Variants in TMEM138 observed in about 807,000 individuals in gnomAD.
TMEM138 encodes the protein transmembrane protein 138.
A neutral mutation model predicts 18.1 loss-of-function variants in TMEM138; 9 were observed. The ratio of observed to expected loss-of-function variants is 0.50; its 90% CI spans 0.30 to 0.87. The LOEUF (loss-of-function observed/expected upper bound fraction) is 0.87. Ranked by LOEUF, TMEM138 falls within the 40% of genes least tolerant of loss-of-function variation. The pLI is 0.06. For missense variants in TMEM138, 189 were observed against 190.6 expected, an observed-to-expected ratio of 0.99 and a Z score of 0.05; for synonymous variants, 79 against 74.8, an observed-to-expected ratio of 1.06 and a Z score of -0.29.
Position 61,368,957 on chromosome 11 carries a change from CTGT to C in TMEM138, c.*249_*251del. 6.4e-6 allele frequency: 3 copies of C among 465,682 alleles called. No individual in the cohort carries two copies. In the South Asian group the frequency reaches 7.5e-5, roughly 12 times the overall value. 28.8% of individuals were successfully genotyped at this position (465,682 alleles called of 1,614,324 possible). On this transcript the variant is annotated 3_prime_UTR_variant, in exon 5 of 5. Transcript: ENST00000278826. ...CCACCCCCTTTCCTTCCTTTCCTCT[CTGT>C]ACCATTCATTCTCCCTGACCGGCCT...
chr11:61,364,343 TG>T lies in TMEM138; in HGVS notation c.-45del, dbSNP rs1210417316. 6.2e-7 allele frequency: 1 copy of T among 1,604,718 alleles called. No individual in the cohort carries two copies. Among genetic ancestry groups the T allele is most frequent in the African/African-American group, 1.3e-5 (1 of 74,712 alleles). On this transcript the variant is annotated 5_prime_UTR_variant, in exon 2 of 5. Transcript: ENST00000278826. ...AGGGAGACAGCCAGGAGCGGTTTTC[TG>T]GGAACTGTGGGATGTGCCCTTGGGG...
At chr11:61,363,816 C>T (rs1235851143) in intron 1 of TMEM138, 1 of 152,396 alleles carries the variant, frequency 6.6e-6, no homozygotes, top group African/African-American at 2.4e-5. Context: ...TGACCTTGGA[C>T]AAATTATTTT....
At chr11:61,371,388 G>A (rs772055150), downstream of TMEM138, among the ~76,000 whole-genome samples, 2 of 151,980 alleles carry the variant, frequency 1.3e-5, no homozygotes, top group South Asian at 2.1e-4. Flanking sequence ...GCCTTAGGCC[G>A]ACCCCACACC....
At chr11:61,374,229 ACT>A (rs1251915789), downstream of TMEM138, among the ~76,000 whole-genome samples, 1 of 134,292 alleles carries the variant, frequency 7.4e-6, no homozygotes, top group Non-Finnish European at 1.6e-5. Flanking sequence ...CTCACTGGAA[ACT>A]CTGCGTCCCG....
chr11:61,363,271 CAT>C (rs1222539918), intron 1 of TMEM138: 1 of 152,180 alleles, frequency 6.6e-6, no homozygotes, highest in Non-Finnish European at 1.5e-5. Context: ...AAACCGCGAA[CAT>C]ATGTCCAATA....
chr11:61,375,616 C>A (rs1434079745), downstream of TMEM138, among the ~76,000 whole-genome samples: 1 of 152,192 alleles, frequency 6.6e-6, no homozygotes, highest in Non-Finnish European at 1.5e-5. Context: ...AGCCACTCCA[C>A]CCAGCTGTGA....
In TMEM138 at chr11:61,368,647, G is replaced by A. The variant is rs1446900246; in HGVS notation, c.427G>A (p.Asp143Asn). 13 of 1,613,930 alleles carry A rather than the reference G, an allele frequency of 8.1e-6. No individual in the cohort carries two copies. Among genetic ancestry groups the A allele is most frequent in the Non-Finnish European group, 1.1e-5 (13 of 1,180,044 alleles). ...FYKRTAVRLG[D>N]PHFYQDSLWL... ...TAAACGGACAGCCGTAAGACTAGGC[G>A]ATCCTCACTTCTACCAGGACTCTTT... Residue 143 changes from aspartate to asparagine, a missense_variant, in exon 5 of 5, where the codon GAT becomes AAT. Transcript: ENST00000278826.
At chr11:61,362,869 G>A (rs955973814) in intron 1 of TMEM138, 6 of 152,234 alleles carry the variant, frequency 3.9e-5, no homozygotes, top group African/African-American at 1.4e-4. Flanking sequence ...TTGCAGACTT[G>A]TAGGGAGGAT....
downstream of TMEM138, among the ~76,000 whole-genome samples, chr11:61,373,229 C>T (rs117325265): frequency 3.0e-3 from 459 of 152,176 alleles, no homozygotes; most frequent in South Asian, 5.6e-3. Context: ...AAGAAAGAGG[C>T]GGACAGATGA....
downstream of TMEM138, among the ~76,000 whole-genome samples, chr11:61,374,304 CA>C (rs1484723467): frequency 1.3e-5 from 2 of 151,788 alleles, no homozygotes; most frequent in Non-Finnish European, 2.9e-5. Context: ...CCCACCACCA[CA>C]CCCAGCTAAT....
intron 3 of TMEM138, chr11:61,366,889 G>A (rs1012319680): frequency 6.6e-6 from 1 of 152,188 alleles, no homozygotes; most frequent in African/African-American, 2.4e-5. Flanking sequence ...GTTTCATAAG[G>A]TACTCTTGAC....
At chr11:61,368,052 A>G in intron 4 of TMEM138, 54 bp downstream of exon 4, 1 of 1,243,464 alleles carries the variant, frequency 8.0e-7, no homozygotes, top group Non-Finnish European at 1.2e-6. Context: ...TGTCTCTTTC[A>G]GTGAGGGCCT....
chr11:61,369,671 ACTCT>A (rs1858283266), downstream of TMEM138, among the ~76,000 whole-genome samples: 1 of 151,246 alleles, frequency 6.6e-6, no homozygotes, highest in Non-Finnish European at 1.5e-5. Context: ...ATCTGGGCTC[ACTCT>A]TGTGTCTGTC....
At chr11:61,373,097 T>C (rs767727070), downstream of TMEM138, among the ~76,000 whole-genome samples, 1 of 152,190 alleles carries the variant, frequency 6.6e-6, no homozygotes, top group South Asian at 2.1e-4. Flanking sequence ...TGTTAAACAC[T>C]GACGGCAATT....
chr11:61,363,532 A>G (rs1293450533), intron 1 of TMEM138: 2 of 152,250 alleles, frequency 1.3e-5, no homozygotes, highest in African/African-American at 4.8e-5. Flanking sequence ...GGACACCCCC[A>G]GAGCAACTTG....
intron 3 of TMEM138, 141 bp from the exon 4 acceptor site, chr11:61,367,782 G>C: frequency 1.5e-6 from 1 of 662,650 alleles, no homozygotes. Context: ...AGGCTCCTTC[G>C]AGAAACGCTC....
chr11:61,368,782 C>G lies in TMEM138; in HGVS notation c.*73C>G. 8.3e-7 allele frequency: 1 copy of G among 1,198,706 alleles called. No homozygotes were observed. Among genetic ancestry groups the G allele is most frequent in the Non-Finnish European group, 1.2e-6 (1 of 813,822 alleles). 74.3% of individuals were successfully genotyped at this position (1,198,706 alleles called of 1,614,324 possible). A position where few individuals can be genotyped will look rare whatever the true frequency, so the allele number is the denominator to read the frequency against. On this transcript the variant is annotated 3_prime_UTR_variant, in exon 5 of 5. Coordinates refer to ENST00000278826, the MANE Select transcript of TMEM138 (RefSeq NM_016464.5). ...TTTGCTGCTTTGCAGGGAGAGTTGGCCCTATGCATGGGCAAACAGCTGGAC... is the reference window on the plus strand; with the variant it reads ...TTTGCTGCTTTGCAGGGAGAGTTGGGCCTATGCATGGGCAAACAGCTGGAC...
At position 61,368,159 on chromosome 11, in the gene TMEM138, G is replaced by T. The variant is rs543441944; in HGVS notation, c.376+161G>T. 28 of 739,306 alleles carry T rather than the reference G, an allele frequency of 3.8e-5. No individual in the cohort carries two copies. In the Admixed American group the frequency reaches 4.3e-4, roughly 11 times the overall value. 45.8% of individuals were successfully genotyped at this position (739,306 alleles called of 1,614,324 possible). A position where few individuals can be genotyped will look rare whatever the true frequency, so the allele number is the denominator to read the frequency against. Reference sequence around the variant, plus strand: ...ATTACTGCCCCTGCCCTTGCTAGAAGACTATGGGAAATGAGGAGGCAGGGC... The same window carrying T: ...ATTACTGCCCCTGCCCTTGCTAGAATACTATGGGAAATGAGGAGGCAGGGC... On this transcript the variant is annotated intron_variant, in intron 4 of 4. Transcript: ENST00000278826.
intron 2 of TMEM138, among the ~76,000 whole-genome samples, chr11:61,365,272 T>A (rs7932094): frequency 0.88 from 134,140 of 151,758 alleles, 61,396 homozygotes; most frequent in East Asian, 1. Flanking sequence ...TTTTATTTTT[T>A]TTTTTTTGAG....
Sources: allele counts gnomAD v4.1 joint callset (sites outside exome capture counted in the v4.1 genomes callset), GRCh38; gene constraint gnomAD v4.1.1; transcripts MANE v1.5; gene names NCBI Gene and HGNC (gene_info 2026-07-23, HGNC 2026-07-21).